The following CCND3 variants were observed in gnomAD, a reference collection of about 807,000 sequenced individuals.
The protein encoded by CCND3 is cyclin D3.
In CCND3, 9 loss-of-function variants were observed where a neutral mutation model predicts 28.7. That is an observed-to-expected ratio of 0.31 (90% CI 0.19 to 0.55). The LOEUF (loss-of-function observed/expected upper bound fraction) is 0.55, where lower values mean the gene tolerates loss of function less well. Ranked by LOEUF, CCND3 falls within the 20% of genes least tolerant of loss-of-function variation. The pLI is 0.93. For missense variants in CCND3, 315 were observed against 385.8 expected (o/e 0.82, Z 1.54); for synonymous variants, 164 against 163.9 (o/e 1.00, Z 0.00).
At chr6:42,049,649 G>C (rs1462393723), upstream of CCND3, 2 of 152,294 alleles carry the variant, frequency 1.3e-5, no homozygotes, top group Non-Finnish European at 2.9e-5. Context: ...CCCTAGACTT[G>C]CCTCGCAAAT....
At chr6:42,006,366 C>T (rs1030390031) in intron 1 of CCND3, among the ~76,000 whole-genome samples, 13 of 151,520 alleles carry the variant, frequency 8.6e-5, no homozygotes, top group African/African-American at 3.2e-4. Flanking sequence ...TATTAAAGAG[C>T]ATCTACCCTA....
intron 1 of CCND3, among the ~76,000 whole-genome samples, chr6:42,003,917 C>T (rs1386333643): frequency 6.2e-5 from 8 of 129,456 alleles, no homozygotes; most frequent in East Asian, 4.3e-4. Flanking sequence ...CCAGCCTGGG[C>T]GACAGAGTGA....
chr6:41,949,064 T>C (rs1031391662), intron 1 of CCND3, among the ~76,000 whole-genome samples: 5 of 151,706 alleles, frequency 3.3e-5, no homozygotes, highest in African/African-American at 1.2e-4. Flanking sequence ...ATAATATTTC[T>C]TAGATCGGGC....
chr6:42,015,477 A>C (rs1763475271), intron 1 of CCND3, among the ~76,000 whole-genome samples: 1 of 152,178 alleles, frequency 6.6e-6, no homozygotes, highest in African/African-American at 2.4e-5. Context: ...TTGGGAAGCC[A>C]AGGTGGGCAG....
At chr6:41,990,014 TC>T (rs1762603626) in intron 1 of CCND3, among the ~76,000 whole-genome samples, 1 of 151,958 alleles carries the variant, frequency 6.6e-6, no homozygotes, top group Non-Finnish European at 1.5e-5. Context: ...AAGAAGGAAG[TC>T]AAATTGTTCC....
In CCND3 at chr6:41,990,660, A is replaced by ATTTTTTTTTTTTTTTTTTTTTT. The variant is rs67939325; in HGVS notation, c.-45-50097_-45-50076dup. ...TAGTCCATGAATCTATAACCAACTG[A>ATTTTTTTTTTTTTTTTTTTTTT]TTTTTTTTTTTTTTTTTTTTTTTTT... On this transcript the variant is annotated intron_variant, in intron 1 of 4. Coordinates refer to the CCND3 transcript ENST00000372988. Among the ~76,000 whole-genome samples, 3 of 121,276 alleles carry ATTTTTTTTTTTTTTTTTTTTTT rather than the reference A, an allele frequency of 2.5e-5. 1 individual carries two copies. The highest frequency in any genetic ancestry group is 3.3e-5 in the Non-Finnish European group (2 of 60,716). The allele number at this position is 121,276 out of a possible 152,430, so 79.6% of individuals were successfully genotyped here. A position where few individuals can be genotyped will look rare whatever the true frequency, so the allele number is the denominator to read the frequency against.
At chr6:42,033,386 G>T (rs1057345948) in intron 1 of CCND3, among the ~76,000 whole-genome samples, 2 of 151,564 alleles carry the variant, frequency 1.3e-5, no homozygotes, top group Admixed American at 1.3e-4. Flanking sequence ...GGAGGCAGAG[G>T]TTGCATTGAG....
At chr6:42,031,950 G>C (rs10807274) in intron 1 of CCND3, among the ~76,000 whole-genome samples, 151,164 of 152,044 alleles carry the variant, frequency 0.99, 75,153 homozygotes, top group Middle Eastern at 1. Flanking sequence ...TCATCACACC[G>C]GTCTAATTTT....
chr6:42,044,444 AAAG>A, intron 1 of CCND3, among the ~76,000 whole-genome samples: 1 of 152,328 alleles, frequency 6.6e-6, no homozygotes, highest in East Asian at 1.9e-4. Flanking sequence ...ATGGGAGAGC[AAAG>A]AATGACATAG....
intron 1 of CCND3, among the ~76,000 whole-genome samples, chr6:42,028,629 T>C (rs1292977947): frequency 6.6e-6 from 1 of 152,160 alleles, no homozygotes; most frequent in Non-Finnish European, 1.5e-5. Flanking sequence ...TCCACAGGCA[T>C]GGGTAAAGAG....
intron 1 of CCND3, among the ~76,000 whole-genome samples, chr6:42,038,188 T>C (rs1554168544): frequency 2.0e-5 from 3 of 152,106 alleles, no homozygotes; most frequent in Non-Finnish European, 4.4e-5. Context: ...TTCTTGGTAT[T>C]CTTTACCCTT....
intron 1 of CCND3, among the ~76,000 whole-genome samples, chr6:42,036,180 A>G (rs1764202004): frequency 6.7e-6 from 1 of 149,554 alleles, no homozygotes; most frequent in Non-Finnish European, 1.5e-5. Context: ...TTCAGTAGAC[A>G]TGTGGTTTCA....
In CCND3 at chr6:41,939,193, T is replaced by C. The variant is rs1462694199; in HGVS notation, c.414+1177A>G. On this transcript the variant is annotated intron_variant, in intron 2 of 4. Transcript: ENST00000372991. This position sits in a 1 kb window ranked among gnomAD's most constrained non-coding sequence, Gnocchi z 4.2. ...CCTCCTACTCCCATCTCTGAGCTAC[T>C]TGGCAGGAAGAGGAATCCTGTTCCT... Among the ~76,000 whole-genome samples the C allele has an allele frequency of 6.6e-6, 1 of 152,132 alleles. No homozygotes were observed. Among genetic ancestry groups the C allele is most frequent in the African/African-American group, 2.4e-5 (1 of 41,412 alleles).
intron 1 of CCND3, among the ~76,000 whole-genome samples, chr6:42,025,320 C>T (rs906629070): frequency 6.6e-6 from 1 of 152,176 alleles, no homozygotes; most frequent in Admixed American, 6.6e-5. Flanking sequence ...CAAGGCCTCA[C>T]AGAGGAAGTG....
chr6:42,020,289 A>C (rs1382227493), intron 1 of CCND3, among the ~76,000 whole-genome samples: 1 of 152,062 alleles, frequency 6.6e-6, no homozygotes, highest in Non-Finnish European at 1.5e-5. Context: ...CTCAAAAAAA[A>C]AGAAAAGAAA....
At chr6:42,007,938 G>A (rs1185036088) in intron 1 of CCND3, among the ~76,000 whole-genome samples, 2 of 152,138 alleles carry the variant, frequency 1.3e-5, no homozygotes, top group Non-Finnish European at 1.5e-5. Flanking sequence ...GAAGAAATGA[G>A]CCGGCAGAGC....
chr6:42,020,625 C>A (rs1763681940), intron 1 of CCND3, among the ~76,000 whole-genome samples: 1 of 152,238 alleles, frequency 6.6e-6, no homozygotes, highest in Non-Finnish European at 1.5e-5. Flanking sequence ...AAAGACCACT[C>A]GGCTCTCCGG....
chr6:41,999,177 T>C (rs1162696923), intron 1 of CCND3, among the ~76,000 whole-genome samples: 2 of 151,818 alleles, frequency 1.3e-5, no homozygotes, highest in Admixed American at 6.6e-5. Context: ...GATAGCGCCA[T>C]TGCGCTTCAG....
chr6:41,986,361 G>A (rs972717412), intron 1 of CCND3, among the ~76,000 whole-genome samples: 6 of 105,966 alleles, frequency 5.7e-5, no homozygotes, highest in Non-Finnish European at 9.5e-5. Context: ...TGTAGGTAAC[G>A]TCAGGTAATA....
Sources: allele counts gnomAD v4.1 joint callset (sites outside exome capture counted in the v4.1 genomes callset), GRCh38; gene constraint gnomAD v4.1.1; non-coding constraint Gnocchi (gnomAD v3.1); transcripts MANE v1.5; gene names NCBI Gene and HGNC (gene_info 2026-07-23, HGNC 2026-07-21).